EDIL3: variants seen among roughly 807,000 people sequenced by gnomAD.
The protein encoded by EDIL3 is EGF like and discoidin domains 3, also known as EGF-like repeat and discoidin I-like domain-containing protein 3.
EDIL3 carries 37 observed loss-of-function variants against 67.4 expected under a neutral mutation model. The ratio of observed to expected loss-of-function variants is 0.55; its 90% CI spans 0.42 to 0.72. EDIL3 has a LOEUF of 0.72. Ranked by LOEUF, EDIL3 falls within the 30% of genes least tolerant of loss-of-function variation. The pLI, the probability that EDIL3 is intolerant of heterozygous loss-of-function variation, is 0.00. For synonymous variants in EDIL3, 195 were observed against 196.3 expected (o/e 0.99, Z 0.05); for missense variants, 527 against 586.3 (o/e 0.90, Z 1.04).
At chr5:84,132,079 A>AAAAATAC (rs1747976277) in intron 5 of EDIL3, among the ~76,000 whole-genome samples, 1 of 149,288 alleles carries the variant, frequency 6.7e-6, no homozygotes, top group African/African-American at 2.5e-5. Context: ...CTAAAAATAC[A>AAAAATAC]AAAAAAATAG....
At chr5:84,309,499 C>T (rs1198541104) in intron 1 of EDIL3, among the ~76,000 whole-genome samples, 1 of 151,864 alleles carries the variant, frequency 6.6e-6, no homozygotes, top group East Asian at 1.9e-4. Flanking sequence ...CCCCGTCCCC[C>T]CACCCCACAA....
At chr5:83,964,193 T>C (rs909738968) in intron 9 of EDIL3, among the ~76,000 whole-genome samples, 1 of 151,984 alleles carries the variant, frequency 6.6e-6, no homozygotes, top group East Asian at 1.9e-4. Context: ...TTCGGTATTT[T>C]CCCTTTTTTT....
intron 6 of EDIL3, among the ~76,000 whole-genome samples, chr5:84,105,079 A>G (rs1340192434): frequency 6.6e-6 from 1 of 152,132 alleles, no homozygotes; most frequent in Non-Finnish European, 1.5e-5. Flanking sequence ...CATTTCAACT[A>G]GAGTGATTAA....
At chr5:84,319,006 A>G (rs1746570458) in intron 1 of EDIL3, among the ~76,000 whole-genome samples, 1 of 152,330 alleles carries the variant, frequency 6.6e-6, no homozygotes, top group South Asian at 2.1e-4. Flanking sequence ...ATGAACAGAC[A>G]CTACTCAAAA....
At chr5:84,048,781 G>A (rs760167387) in intron 9 of EDIL3, among the ~76,000 whole-genome samples, 2 of 151,996 alleles carry the variant, frequency 1.3e-5, no homozygotes, top group Non-Finnish European at 2.9e-5. Context: ...AAAATTTGTA[G>A]TATTTTACTT....
intron 9 of EDIL3, among the ~76,000 whole-genome samples, chr5:83,971,268 A>T (rs1270976792): frequency 1.3e-5 from 2 of 150,638 alleles, no homozygotes; most frequent in Non-Finnish European, 3.0e-5. Context: ...AGAAAAAAAT[A>T]TCCTTTTTTC....
At chr5:84,230,740 C>G (rs923669351) in intron 2 of EDIL3, among the ~76,000 whole-genome samples, 1 of 149,746 alleles carries the variant, frequency 6.7e-6, no homozygotes, top group African/African-American at 2.5e-5. Context: ...TTCCAGTTCT[C>G]TCTCTCTCTC....
At chr5:84,132,393 A>C (rs1747994272) in intron 5 of EDIL3, among the ~76,000 whole-genome samples, 1 of 90,888 alleles carries the variant, frequency 1.1e-5, no homozygotes, top group African/African-American at 5.6e-5. Context: ...TATATTTTAT[A>C]TATAATATAT....
intron 3 of EDIL3, among the ~76,000 whole-genome samples, chr5:84,206,119 T>C (rs1743972881): frequency 1.3e-5 from 2 of 151,118 alleles, no homozygotes; most frequent in East Asian, 1.9e-4. Flanking sequence ...TGTGTCTTTG[T>C]TCTCGTTGGT....
At chr5:83,952,524 T>C (rs1005986213) in intron 10 of EDIL3, among the ~76,000 whole-genome samples, 7 of 151,902 alleles carry the variant, frequency 4.6e-5, no homozygotes, top group Admixed American at 3.9e-4. Flanking sequence ...TTCAAAGACA[T>C]CTCCAGGAGA....
chr5:84,007,471 T>C (rs185883980), intron 9 of EDIL3, among the ~76,000 whole-genome samples: 5 of 152,180 alleles, frequency 3.3e-5, no homozygotes, highest in African/African-American at 1.2e-4. Flanking sequence ...GAAATCTGAA[T>C]GACATTTCTC....
intron 5 of EDIL3, among the ~76,000 whole-genome samples, chr5:84,118,196 CG>C (rs1254573271): frequency 6.6e-6 from 1 of 151,418 alleles, no homozygotes; most frequent in Non-Finnish European, 1.5e-5. Flanking sequence ...ACTACAACAA[CG>C]AAAAAAACAA....
At chr5:84,134,642 A>G (rs1303123202) in intron 5 of EDIL3, among the ~76,000 whole-genome samples, 1 of 152,206 alleles carries the variant, frequency 6.6e-6, no homozygotes, top group African/African-American at 2.4e-5. Context: ...CTCTTAAGAG[A>G]CTACAGAAAA....
At chr5:84,215,341 C>T (rs1295924924) in intron 3 of EDIL3, among the ~76,000 whole-genome samples, 1 of 151,984 alleles carries the variant, frequency 6.6e-6, no homozygotes, top group Non-Finnish European at 1.5e-5. Context: ...GCAAGATCCA[C>T]CTCCCGGGTT....
intron 1 of EDIL3, among the ~76,000 whole-genome samples, chr5:84,373,346 T>C (rs1272839650): frequency 6.6e-6 from 1 of 152,198 alleles, no homozygotes; most frequent in Non-Finnish European, 1.5e-5. Flanking sequence ...CCCTGAATCA[T>C]AACTTCTATA....
intron 2 of EDIL3, among the ~76,000 whole-genome samples, chr5:84,251,481 C>T (rs1402138287): frequency 6.6e-6 from 1 of 151,028 alleles, no homozygotes; most frequent in Non-Finnish European, 1.5e-5. Flanking sequence ...AATATTTGAT[C>T]CCAATATTAG....
chr5:84,152,952 A>G (rs1380154789), intron 4 of EDIL3, among the ~76,000 whole-genome samples: 2 of 152,208 alleles, frequency 1.3e-5, no homozygotes, highest in Non-Finnish European at 2.9e-5. Context: ...CTAATATACT[A>G]TACTAAATTC....
chr5:84,167,830 T>G (rs1748735388), intron 4 of EDIL3, among the ~76,000 whole-genome samples: 1 of 152,154 alleles, frequency 6.6e-6, no homozygotes, highest in South Asian at 2.1e-4. Context: ...TTTCTACATT[T>G]AAATTCTCAG....
intron 3 of EDIL3, among the ~76,000 whole-genome samples, chr5:84,208,630 G>A (rs1228629552): frequency 5.0e-5 from 7 of 140,266 alleles, no homozygotes; most frequent in African/African-American, 1.3e-4. Flanking sequence ...AGTGAGCCGA[G>A]ATTGCGCCAC....
Sources: gnomAD v4.1 joint callset for allele counts (sites outside exome capture counted in the v4.1 genomes callset) on GRCh38, gnomAD v4.1.1 for gene constraint, MANE v1.5 for transcripts, NCBI Gene and HGNC (gene_info 2026-07-23, HGNC 2026-07-21) for gene names.